GOLGA5: variants seen among roughly 807,000 people sequenced by gnomAD.
The protein encoded by GOLGA5 is golgin subfamily A member 5.
Under a neutral mutation model 93.5 loss-of-function variants are expected in GOLGA5, and 50 were observed. The ratio of observed to expected loss-of-function variants is 0.53; its 90% CI spans 0.43 to 0.68. The LOEUF is 0.68. Ranked by LOEUF, GOLGA5 falls within the 30% of genes least tolerant of loss-of-function variation. GOLGA5 has a pLI of 0.00. For missense variants in GOLGA5, 760 were observed against 856.4 expected (o/e 0.89, Z 1.40); for synonymous variants, 312 against 304.5 (o/e 1.02, Z -0.26).
chr14:92,819,423 C>G (rs1397716975), intron 7 of GOLGA5, among the ~76,000 whole-genome samples: 2 of 150,944 alleles, frequency 1.3e-5, no homozygotes, highest in Non-Finnish European at 2.9e-5. Flanking sequence ...GAGGCCAGGA[C>G]TTTGCAACCA....
intron 7 of GOLGA5, among the ~76,000 whole-genome samples, chr14:92,819,019 A>G (rs2140325972): frequency 6.6e-6 from 1 of 152,356 alleles, no homozygotes; most frequent in African/African-American, 2.4e-5. Flanking sequence ...TATTCTTATC[A>G]TATGTTGATT....
Position 92,816,344 on chromosome 14 carries a change from C to G in GOLGA5, c.1414C>G (p.Arg472Gly). 1 of 1,613,804 alleles carries G rather than the reference C, an allele frequency of 6.2e-7. No homozygotes were observed. The highest frequency in any genetic ancestry group is 8.5e-7 in the Non-Finnish European group (1 of 1,179,744). The change falls in exon 7 of 13, where the codon CGG becomes GGG. Residue 472 changes from arginine to glycine, a missense_variant. Arg to Gly is a moderately radical substitution (Grantham distance 125). Coordinates refer to ENST00000163416, the MANE Select transcript of GOLGA5 (RefSeq NM_005113.4). ...TASSMELEELRHEKEMQREEI... is the reference protein window; with the variant it reads ...TASSMELEELGHEKEMQREEI... ...CAGTAGCATGGAGCTGGAAGAACTT[C>G]GGCATGAGAAAGAGATGCAGAGGGA...
In GOLGA5 at chr14:92,797,987, TAATC is replaced by T; in HGVS notation, c.544+8_544+11del. On this transcript the variant is annotated splice_region_variant and intron_variant, in intron 2 of 12. Coordinates refer to ENST00000163416, the MANE Select transcript of GOLGA5 (RefSeq NM_005113.4). ...TTTTGGGAGCCAAACCCACGGTAGTTAATCAGTCCTCTTATTTCTTTTAGAGTTA... is the reference window on the plus strand; with the variant it reads ...TTTTGGGAGCCAAACCCACGGTAGTTAGTCCTCTTATTTCTTTTAGAGTTA... 1 of 1,546,108 alleles carries T rather than the reference TAATC, an allele frequency of 6.5e-7. No individual in the cohort carries two copies. Among genetic ancestry groups the T allele is most frequent in the Non-Finnish European group, 8.7e-7 (1 of 1,144,576 alleles).
intron 9 of GOLGA5, among the ~76,000 whole-genome samples, chr14:92,828,819 C>T (rs1885470935): frequency 1.3e-5 from 2 of 152,108 alleles, no homozygotes; most frequent in African/African-American, 4.8e-5. Flanking sequence ...CAGGTGCATG[C>T]CAGCACACTG....
Position 92,824,586 on chromosome 14 carries a change from A to C in GOLGA5, c.1661A>C (p.Asn554Thr). ...GAAGAAGATCTTTATCGAACAAAGAACACATTGCAAAGCAGAATTAAAGAT... is the reference window on the plus strand; with the variant it reads ...GAAGAAGATCTTTATCGAACAAAGACCACATTGCAAAGCAGAATTAAAGAT... ...YIEEDLYRTK[N>T]TLQSRIKDRD... The change falls in exon 9 of 13, where the codon AAC becomes ACC. Residue 554 changes from asparagine (N) to threonine (T), a missense_variant. Physicochemically the swap from Asn to Thr is moderately conservative, Grantham distance 65. Transcript: ENST00000163416. 1.2e-6 allele frequency: 2 copies of C among 1,606,108 alleles called. No homozygotes were observed. Among genetic ancestry groups the C allele is most frequent in the Non-Finnish European group, 1.7e-6 (2 of 1,174,204 alleles).
At chr14:92,814,016 A>G (rs1595596259) in intron 6 of GOLGA5, among the ~76,000 whole-genome samples, 1 of 152,212 alleles carries the variant, frequency 6.6e-6, no homozygotes, top group East Asian at 1.9e-4. Context: ...CCTTGTGTTA[A>G]TAAAAGGGGA....
At chr14:92,811,527 T>C (rs564154198) in intron 5 of GOLGA5, 24 bp from the exon 6 acceptor site, 1 of 1,430,362 alleles carries the variant, frequency 7.0e-7, no homozygotes, top group Non-Finnish European at 9.9e-7. Flanking sequence ...ATATCATTAA[T>C]TATGATATAA....
chr14:92,800,413 A>G (rs933102376), intron 2 of GOLGA5, among the ~76,000 whole-genome samples: 3 of 152,280 alleles, frequency 2.0e-5, no homozygotes, highest in African/African-American at 4.8e-5. Context: ...CTAAGAGGCT[A>G]GTAGAGTAGA....
chr14:92,806,630 G>A (rs760474149), intron 2 of GOLGA5, 106 bp from the exon 3 acceptor site: 12 of 742,418 alleles, frequency 1.6e-5, no homozygotes, highest in East Asian at 2.7e-5. Flanking sequence ...TACTTTTTAT[G>A]GTGTTTTAGC....
rs1403694533 is a variant in GOLGA5 at position 92,809,418 on chromosome 14, G to A, written c.891G>A (p.Lys297=). Residue 297 remains lysine (K), a synonymous_variant, in exon 4 of 13, where the codon AAG becomes AAA. Coordinates refer to ENST00000163416, the MANE Select transcript of GOLGA5 (RefSeq NM_005113.4). ...VDDLTEAVAA[K]DSQLAVLKVR... ...ACCTGACTGAAGCTGTGGCTGCAAAGGATTCCCAGCTGGCTGTACTGAAAG... is the reference window on the plus strand; with the variant it reads ...ACCTGACTGAAGCTGTGGCTGCAAAAGATTCCCAGCTGGCTGTACTGAAAG... The A allele has an allele frequency of 1.9e-6, 3 of 1,613,788 alleles. No homozygotes were observed. The African/African-American group carries it at 4.0e-5, about 22-fold the overall frequency.
At chr14:92,803,242 G>C (rs1403113402) in intron 2 of GOLGA5, among the ~76,000 whole-genome samples, 1 of 152,032 alleles carries the variant, frequency 6.6e-6, no homozygotes, top group Non-Finnish European at 1.5e-5. Context: ...TCACTATATT[G>C]CCAGGCTAGT....
At chr14:92,823,639 T>A (rs1227024569) in intron 8 of GOLGA5, among the ~76,000 whole-genome samples, 1 of 152,072 alleles carries the variant, frequency 6.6e-6, no homozygotes, top group African/African-American at 2.4e-5. Context: ...GGTCTTGAAC[T>A]CCTGGACTCA....
At chr14:92,839,342 A>C in intron 12 of GOLGA5, 24 bp from the exon 13 acceptor site, 3 of 1,570,226 alleles carry the variant, frequency 1.9e-6, no homozygotes, top group Non-Finnish European at 8.8e-7. Flanking sequence ...TGGCTAATCC[A>C]CAAATTGCTT....
chr14:92,811,121 T>G (rs1446524604), intron 5 of GOLGA5, among the ~76,000 whole-genome samples: 1 of 152,274 alleles, frequency 6.6e-6, no homozygotes, highest in Admixed American at 6.5e-5. Context: ...TTTACATTAT[T>G]TTTTGAATAC....
At chr14:92,831,674 TA>T (rs1227226850) in intron 9 of GOLGA5, among the ~76,000 whole-genome samples, 1 of 152,190 alleles carries the variant, frequency 6.6e-6, no homozygotes, top group Non-Finnish European at 1.5e-5. Context: ...GTATGTTGAT[TA>T]GGGGATCATA....
chr14:92,807,875 G>A (rs1885022621), intron 3 of GOLGA5, among the ~76,000 whole-genome samples: 2 of 152,152 alleles, frequency 1.3e-5, no homozygotes, highest in Non-Finnish European at 2.9e-5. Context: ...AAGGAGTGAG[G>A]GGATGGTGGG....
chr14:92,814,305 G>A (rs1163623154), intron 6 of GOLGA5, among the ~76,000 whole-genome samples: 1 of 152,178 alleles, frequency 6.6e-6, no homozygotes, highest in Non-Finnish European at 1.5e-5. Flanking sequence ...GAGAGAACCA[G>A]GAGGAGACTG....
chr14:92,797,948 A>G lies in GOLGA5; in HGVS notation c.511A>G (p.Ile171Val), dbSNP rs1444560507. The change falls in exon 2 of 13, where the codon ATT (isoleucine) becomes GTT (valine). Residue 171 changes from isoleucine to valine, a missense_variant. By Grantham distance (29) the Ile-to-Val change is conservative. Transcript: ENST00000163416. ...VNPSVTTIKT[I>V]EENSFGSQTH... is the part of the protein sequence containing the mutation. ...CCCCAGTGTAACCACCATCAAAACC[A>G]TTGAAGAAAATTCTTTTGGGAGCCA... 2 of 1,590,056 alleles carry G rather than the reference A, an allele frequency of 1.3e-6. No homozygotes were observed. The highest frequency in any genetic ancestry group is 2.2e-5 in the East Asian group (1 of 44,768).
At chr14:92,834,566 C>T (rs1709815059) in intron 10 of GOLGA5, among the ~76,000 whole-genome samples, 1 of 152,224 alleles carries the variant, frequency 6.6e-6, no homozygotes. Context: ...GGCCTTGAGG[C>T]AGGCATGTTC....
Sources: gnomAD v4.1 joint callset for allele counts (sites outside exome capture counted in the v4.1 genomes callset) on GRCh38, gnomAD v4.1.1 for gene constraint, MANE v1.5 for transcripts, NCBI Gene and HGNC (gene_info 2026-07-23, HGNC 2026-07-21) for gene names.